Variants in CPVL observed in about 807,000 individuals in gnomAD.
CPVL encodes carboxypeptidase vitellogenic like.
Under a neutral mutation model 63.7 loss-of-function variants are expected in CPVL, and 51 were observed. That is an observed-to-expected ratio of 0.80 (90% CI 0.64 to 1.01). The LOEUF (loss-of-function observed/expected upper bound fraction) is 1.01, where lower values mean the gene tolerates loss of function less well. Ranked by LOEUF, CPVL falls within the 50% of genes least tolerant of loss-of-function variation. The probability of loss-of-function intolerance (pLI) is 0.00; values close to 1 mark genes in which losing one functional copy is unlikely to be tolerated. For synonymous variants in CPVL, 195 were observed against 206.0 expected (o/e 0.95, Z 0.46); for missense variants, 530 against 573.1 (o/e 0.92, Z 0.77).
chr7:29,069,827 T>TGTGTGTGTGTGTGTGTGCGCGC (rs1554335163), intron 9 of CPVL, among the ~76,000 whole-genome samples: 17 of 135,394 alleles, frequency 1.3e-4, no homozygotes, highest in African/African-American at 3.8e-4. Context: ...TGTGTGTGTG[T>TGTGTGTGTGTGTGTGTGCGCGC]GCATGTAAAT....
chr7:29,070,619 C>T (rs1205072339), intron 9 of CPVL, among the ~76,000 whole-genome samples: 1 of 152,128 alleles, frequency 6.6e-6, no homozygotes, highest in African/African-American at 2.4e-5. Context: ...ATTCTGAATC[C>T]ACACTTTGCA....
chr7:29,025,151 A>T (rs1018202811), intron 12 of CPVL, among the ~76,000 whole-genome samples: 1 of 152,200 alleles, frequency 6.6e-6, no homozygotes, highest in African/African-American at 2.4e-5. Context: ...ATAAAATATG[A>T]TCTAACTATA....
chr7:29,036,145 C>T (rs1056795029), intron 11 of CPVL, among the ~76,000 whole-genome samples: 1 of 152,188 alleles, frequency 6.6e-6, no homozygotes, highest in Admixed American at 6.5e-5. Flanking sequence ...CCATGAAATC[C>T]AAACTCATAC....
At chr7:29,180,388 G>C (rs146726909) in intron 5 of CPVL, among the ~76,000 whole-genome samples, 2 of 151,946 alleles carry the variant, frequency 1.3e-5, no homozygotes, top group Admixed American at 6.6e-5. Flanking sequence ...TTAGCCAGGC[G>C]TGGTGGCACA....
At chr7:29,138,736 A>T (rs1422706488) in intron 1 of CPVL, among the ~76,000 whole-genome samples, 1 of 152,172 alleles carries the variant, frequency 6.6e-6, no homozygotes, top group African/African-American at 2.4e-5. Flanking sequence ...TTTTCTGAGC[A>T]ACTGCTGTAT....
intron 4 of CPVL, among the ~76,000 whole-genome samples, chr7:29,183,240 A>G (rs965428197): frequency 6.6e-6 from 1 of 152,044 alleles, no homozygotes; most frequent in African/African-American, 2.4e-5. Context: ...ATATGCCAAC[A>G]TGACTGGCTA....
intron 12 of CPVL, among the ~76,000 whole-genome samples, chr7:29,002,243 GGAGGGACAGCACT>G (rs1186751847): frequency 1.3e-5 from 2 of 152,138 alleles, no homozygotes; most frequent in African/African-American, 4.8e-5. Flanking sequence ...AGCCTGTCAA[GGAGGGACAGCACT>G]GGTAAGCACT....
At chr7:29,195,106 TG>T in exon 1 of CPVL, 1 of 1,127,356 alleles carries the variant, frequency 8.9e-7, no homozygotes, top group Non-Finnish European at 1.2e-6. Flanking sequence ...TCTCTCGGAA[TG>T]GGGGCAGGCG....
At chr7:29,140,592 T>C (rs1446247508) in intron 1 of CPVL, among the ~76,000 whole-genome samples, 1 of 152,154 alleles carries the variant, frequency 6.6e-6, no homozygotes, top group East Asian at 1.9e-4. Flanking sequence ...GAAGACCCCA[T>C]TCACAATGCA....
At chr7:29,147,009 A>G (rs765995455), upstream of CPVL, 5 of 1,549,578 alleles carry the variant, frequency 3.2e-6, 1 homozygote, top group South Asian at 6.0e-5. Context: ...CTCCTGAATC[A>G]CTGCGCTGGA....
chr7:29,111,661 G>A (rs1788245239), intron 3 of CPVL, among the ~76,000 whole-genome samples: 1 of 152,182 alleles, frequency 6.6e-6, no homozygotes, highest in Admixed American at 6.5e-5. Context: ...TCCCACCACA[G>A]GCTGCTTTGG....
intron 3 of CPVL, among the ~76,000 whole-genome samples, chr7:29,098,079 T>A (rs923333832): frequency 2.0e-5 from 3 of 152,164 alleles, no homozygotes; most frequent in African/African-American, 7.2e-5. Flanking sequence ...AAGGATCCCC[T>A]GGCTTCAGCC....
At chr7:29,139,884 A>T (rs1791667728) in intron 1 of CPVL, among the ~76,000 whole-genome samples, 1 of 152,212 alleles carries the variant, frequency 6.6e-6, no homozygotes, top group African/African-American at 2.4e-5. Context: ...GATTGCTAAT[A>T]ATATTCTTCA....
chr7:29,076,532 T>C (rs1784267501), intron 7 of CPVL, among the ~76,000 whole-genome samples: 1 of 152,230 alleles, frequency 6.6e-6, no homozygotes, highest in South Asian at 2.1e-4. Context: ...CGGATAAACA[T>C]AACACATCTA....
At chr7:29,192,459 C>T (rs974992191) in intron 1 of CPVL, 3 of 152,192 alleles carry the variant, frequency 2.0e-5, no homozygotes, top group Non-Finnish European at 2.9e-5. Flanking sequence ...AAACCTGTTA[C>T]CCTATTGCAC....
At chr7:29,140,081 C>G (rs1365080582) in intron 1 of CPVL, among the ~76,000 whole-genome samples, 1 of 152,168 alleles carries the variant, frequency 6.6e-6, no homozygotes, top group Non-Finnish European at 1.5e-5. Flanking sequence ...CCTAGCCAGG[C>G]CTTTCCCTGC....
At chr7:29,075,839 T>C (rs1031333730) in intron 7 of CPVL, among the ~76,000 whole-genome samples, 4 of 151,974 alleles carry the variant, frequency 2.6e-5, no homozygotes, top group South Asian at 2.1e-4. Context: ...AATCATTCCA[T>C]TGGTTGAGTG....
chr7:29,114,520 C>G (rs1039608179), intron 2 of CPVL, among the ~76,000 whole-genome samples: 3 of 152,026 alleles, frequency 2.0e-5, no homozygotes, highest in African/African-American at 7.2e-5. Context: ...GTCCCAGCAA[C>G]TCGGGAGGCT....
rs149791404 is a variant in CPVL, at chr7:29,024,364, C to T, written c.1320+6213G>A. On this transcript the variant is annotated intron_variant, in intron 12 of 12. Coordinates refer to ENST00000265394, the MANE Select transcript of CPVL (RefSeq NM_031311.5). ...TATGGAACACCATAAAGCAGGCAAC[C>T]AAATATTCACATTTTGGGTGTTCCA... Among the ~76,000 whole-genome samples the T allele has an allele frequency of 1.6e-3, 237 of 152,174 alleles. 1 individual carries two copies. The highest frequency in any genetic ancestry group is 5.3e-3 in the African/African-American group (219 of 41,534).
Sources: gnomAD v4.1 joint callset for allele counts (sites outside exome capture counted in the v4.1 genomes callset) on GRCh38, gnomAD v4.1.1 for gene constraint, MANE v1.5 for transcripts, NCBI Gene and HGNC (gene_info 2026-07-23, HGNC 2026-07-21) for gene names.